CUL5: variants seen among roughly 807,000 people sequenced by gnomAD.
The protein encoded by CUL5 is cullin 5.
A neutral mutation model predicts 108.8 loss-of-function variants in CUL5; 26 were observed. The observed-to-expected ratio is 0.24, with a 90% CI of 0.18 to 0.33. The LOEUF (loss-of-function observed/expected upper bound fraction) is 0.33. CUL5 is among the 10% of genes least tolerant of loss of function. The pLI, the probability that CUL5 is intolerant of heterozygous loss-of-function variation, is 1.00. For missense variants in CUL5, 524 were observed against 909.2 expected (o/e 0.58, Z 5.45); for synonymous variants, 334 against 298.0 (o/e 1.12, Z -1.25).
At chr11:108,047,339 G>C (rs911032624) in intron 3 of CUL5, among the ~76,000 whole-genome samples, 1 of 151,962 alleles carries the variant, frequency 6.6e-6, no homozygotes, top group Non-Finnish European at 1.5e-5. Flanking sequence ...AAAACAAAAA[G>C]GTCTGGTCTG....
intron 5 of CUL5, among the ~76,000 whole-genome samples, chr11:108,053,204 T>A (rs1391941541): frequency 5.3e-5 from 8 of 152,168 alleles, no homozygotes; most frequent in Admixed American, 5.2e-4. Context: ...TGACTTAGAG[T>A]ATGCTTCTTC....
chr11:108,040,577 A>T (rs1452798436), intron 2 of CUL5, among the ~76,000 whole-genome samples: 1 of 139,646 alleles, frequency 7.2e-6, no homozygotes, highest in Non-Finnish European at 1.5e-5. Context: ...GTGCCACTGC[A>T]CTCCAGCCTG....
intron 1 of CUL5, among the ~76,000 whole-genome samples, chr11:108,028,961 A>G (rs1294871905): frequency 6.6e-6 from 1 of 152,260 alleles, no homozygotes; most frequent in Non-Finnish European, 1.5e-5. Context: ...AGTAAGATCC[A>G]GTAAGCTAAG....
At chr11:108,063,577 TA>T (rs1267772766) in intron 7 of CUL5, among the ~76,000 whole-genome samples, 5 of 150,040 alleles carry the variant, frequency 3.3e-5, no homozygotes, top group Non-Finnish European at 4.4e-5. Flanking sequence ...TAATAAAATT[TA>T]ATGTTAATTT....
chr11:108,039,633 C>T (rs989985191), intron 2 of CUL5, among the ~76,000 whole-genome samples: 8 of 152,330 alleles, frequency 5.3e-5, no homozygotes, highest in Non-Finnish European at 1.2e-4. Flanking sequence ...AATAATTCTT[C>T]ATTCTTCCTC....
At chr11:108,092,705 T>G (rs1238647327) in intron 13 of CUL5, among the ~76,000 whole-genome samples, 1 of 152,164 alleles carries the variant, frequency 6.6e-6, no homozygotes, top group Non-Finnish European at 1.5e-5. Flanking sequence ...GTAAATAGTA[T>G]GGGGTTTCTT....
chr11:108,091,928 G>A (rs1591330949), intron 13 of CUL5, among the ~76,000 whole-genome samples: 1 of 152,198 alleles, frequency 6.6e-6, no homozygotes, highest in East Asian at 1.9e-4. Flanking sequence ...CATGAAGCCA[G>A]GAGTTAGAAA....
chr11:108,088,142 A>G (rs1012017574), intron 11 of CUL5, among the ~76,000 whole-genome samples: 1 of 152,172 alleles, frequency 6.6e-6, no homozygotes, highest in Non-Finnish European at 1.5e-5. Context: ...GTTTTAATAT[A>G]TTAATCATAA....
chr11:108,082,308 G>T lies in CUL5; in HGVS notation c.1178+4068G>T, dbSNP rs115300736. Among the ~76,000 whole-genome samples the T allele has an allele frequency of 8.6e-3, 1,268 of 146,704 alleles. 23 individuals are homozygous for T. The highest frequency in any genetic ancestry group is 0.03 in the African/African-American group (1,199 of 39,666). ...TCTGTTTTTTTTTTTTTAAGACAGGGTCCACTGTGTCACCGAGGCTGGAGT... is the reference window on the plus strand; with the variant it reads ...TCTGTTTTTTTTTTTTTAAGACAGGTTCCACTGTGTCACCGAGGCTGGAGT... On this transcript the variant is annotated intron_variant, in intron 11 of 18. Transcript: ENST00000393094.
chr11:108,067,233 C>T (rs1863706711), intron 7 of CUL5, among the ~76,000 whole-genome samples: 1 of 152,118 alleles, frequency 6.6e-6, no homozygotes, highest in African/African-American at 2.4e-5. Context: ...AAGTAAGTGC[C>T]CATTAAAGGA....
chr11:108,018,793 A>G (rs1026947167), intron 1 of CUL5, among the ~76,000 whole-genome samples: 35 of 152,196 alleles, frequency 2.3e-4, no homozygotes, highest in Admixed American at 2.2e-3. Flanking sequence ...TGAATCCCCT[A>G]TAGATGCAAG....
At chr11:108,071,994 T>A (rs962436238) in intron 8 of CUL5, among the ~76,000 whole-genome samples, 13 of 152,028 alleles carry the variant, frequency 8.6e-5, no homozygotes, top group African/African-American at 2.7e-4. Flanking sequence ...TTGGGCAACA[T>A]TGGGAGACCC....
intron 5 of CUL5, among the ~76,000 whole-genome samples, chr11:108,053,723 A>G (rs1045267266): frequency 3.3e-5 from 5 of 149,468 alleles, no homozygotes; most frequent in African/African-American, 5.0e-5. Context: ...TCTGTTGCCC[A>G]AGCTGGAGTG....
In CUL5 at chr11:108,107,249, T is replaced by C. The variant is rs959101212; in HGVS notation, c.*2865T>C. 6.6e-6 allele frequency: 1 copy of C among 152,382 alleles called. No homozygotes were observed. The highest frequency in any genetic ancestry group is 2.4e-5 in the African/African-American group (1 of 41,444). 9.4% of individuals were successfully genotyped at this position (152,382 alleles called of 1,614,324 possible). A position where few individuals can be genotyped will look rare whatever the true frequency, so the allele number is the denominator to read the frequency against. The stretch of plus-strand genomic sequence containing the variant: ...AATGTTAGCTTTCTTTCTTTTACTT[T>C]TTATTAAATTTAATAGAAAATATGA... On this transcript the variant is annotated 3_prime_UTR_variant, in exon 19 of 19. Coordinates refer to ENST00000393094, the MANE Select transcript of CUL5 (RefSeq NM_003478.6).
chr11:108,080,777 CAG>C (rs1864059260), intron 11 of CUL5, among the ~76,000 whole-genome samples: 1 of 152,138 alleles, frequency 6.6e-6, no homozygotes, highest in African/African-American at 2.4e-5. Context: ...GGATCCGTAT[CAG>C]ATAGATGATG....
intron 7 of CUL5, 104 bp downstream of exon 7, chr11:108,055,059 GT>G: frequency 1.1e-6 from 1 of 878,454 alleles, no homozygotes; most frequent in East Asian, 2.7e-5. Flanking sequence ...AACCAACATT[GT>G]TAATTGATTT....
intron 11 of CUL5, chr11:108,084,877 A>C (rs1208547851): frequency 3.3e-5 from 5 of 152,256 alleles, no homozygotes; most frequent in Admixed American, 1.3e-4. Flanking sequence ...AGCTGCTGTG[A>C]AAACAGTTTG....
At chr11:108,076,862 G>T (rs1444125204) in intron 10 of CUL5, among the ~76,000 whole-genome samples, 2 of 152,234 alleles carry the variant, frequency 1.3e-5, no homozygotes, top group Non-Finnish European at 2.9e-5. Flanking sequence ...CAATTAGAAG[G>T]ATATGTTCAC....
chr11:108,088,448 T>G (rs1864274818), intron 11 of CUL5, 79 bp from the exon 12 acceptor site: 8 of 1,402,088 alleles, frequency 5.7e-6, no homozygotes, highest in Non-Finnish European at 7.8e-6. Flanking sequence ...GAAATTCGCT[T>G]GTGAATCATT....
Sources: allele counts gnomAD v4.1 joint callset (sites outside exome capture counted in the v4.1 genomes callset), GRCh38; gene constraint gnomAD v4.1.1; transcripts MANE v1.5; gene names NCBI Gene and HGNC (gene_info 2026-07-23, HGNC 2026-07-21).